PTPDC1: variants seen among roughly 807,000 people sequenced by gnomAD.
PTPDC1 encodes the protein protein tyrosine phosphatase domain containing 1.
PTPDC1 carries 53 observed loss-of-function variants against 75.3 expected under a neutral mutation model. The observed-to-expected ratio is 0.70, with a 90% CI of 0.56 to 0.88. PTPDC1 has a LOEUF of 0.88. Among genes scored for constraint, PTPDC1 ranks in the 40% least tolerant of loss-of-function variants. The pLI, the probability that PTPDC1 is intolerant of heterozygous loss-of-function variation, is 0.00. For synonymous variants in PTPDC1, 349 were observed against 366.2 expected (o/e 0.95, Z 0.54); for missense variants, 925 against 998.6 (o/e 0.93, Z 0.99).
At position 94,033,018 on chromosome 9, in the gene PTPDC1, C is replaced by T. The variant is rs926513067; in HGVS notation, c.-7+1891C>T. 5.3e-5 allele frequency among the ~76,000 whole-genome samples: 8 copies of T among 152,186 alleles called. No individual in the cohort carries two copies. In the Middle Eastern group the frequency reaches 0.014, roughly 259 times the overall value. The stretch of plus-strand genomic sequence containing the variant: ...GTGGGATTACTGCTGTGTGCCACCA[C>T]GCCCAGCTACTTTTTGTATTTTTTA... On this transcript the variant is annotated intron_variant, in intron 1 of 9. Coordinates refer to the PTPDC1 transcript ENST00000375360.
Position 94,093,133 on chromosome 9 carries a change from T to C in PTPDC1, c.617-2184T>C, listed in dbSNP as rs1386760001. Among the ~76,000 whole-genome samples, 6 of 152,168 alleles carry C rather than the reference T, an allele frequency of 3.9e-5. No individual in the cohort carries two copies. In the South Asian group the frequency reaches 1.0e-3, roughly 26 times the overall value. On this transcript the variant is annotated intron_variant, in intron 4 of 8. Transcript: ENST00000620992. ...TGAATTTGATCCTGTCATTATGATG[T>C]TAGCTGGTTATTTTGCTCGTTAGTT...
rs778339920 is a variant in PTPDC1, at chr9:94,097,483, C to T, written c.917C>T (p.Ser306Phe). 2 of 1,614,186 alleles carry T rather than the reference C, an allele frequency of 1.2e-6. No homozygotes were observed. The highest frequency in any genetic ancestry group is 4.5e-5 in the East Asian group (2 of 44,882). Reference protein sequence around the residue: ...QFLTPLRNIFSCCDPKAHAVT... With the variant: ...QFLTPLRNIFFCCDPKAHAVT... Reference sequence around the variant, plus strand: ...CTAACTCCTCTCCGCAATATATTCTCTTGCTGTGATCCCAAAGCACATGCT... The same window carrying T: ...CTAACTCCTCTCCGCAATATATTCTTTTGCTGTGATCCCAAAGCACATGCT... The change falls in exon 6 of 9, where the codon TCT becomes TTT. Residue 306 changes from serine to phenylalanine, a missense_variant. Physicochemically the swap from Ser to Phe is radical, Grantham distance 155. Transcript: ENST00000620992.
chr9:94,083,990 T>C (rs1368267489), upstream of PTPDC1, among the ~76,000 whole-genome samples: 1 of 152,210 alleles, frequency 6.6e-6, no homozygotes, highest in African/African-American at 2.4e-5. Flanking sequence ...TTATGAAAAA[T>C]TGGATGATAT....
intron 7 of PTPDC1, among the ~76,000 whole-genome samples, chr9:94,103,939 T>C (rs141397686): frequency 2.0e-4 from 30 of 152,318 alleles, no homozygotes; most frequent in Non-Finnish European, 2.9e-4. Context: ...CACCATCTAC[T>C]AGACTACTGA....
chr9:94,089,164 G>T (rs1827189062), intron 4 of PTPDC1, among the ~76,000 whole-genome samples: 1 of 144,158 alleles, frequency 6.9e-6, no homozygotes. Context: ...GTGCCATGCT[G>T]GTGCACTGCA....
intron 1 of PTPDC1, among the ~76,000 whole-genome samples, chr9:94,049,697 A>C (rs1460691056): frequency 6.6e-6 from 1 of 151,952 alleles, no homozygotes. Context: ...GTGTCTTGGA[A>C]TTGCTCTTCT....
intron 8 of PTPDC1, among the ~76,000 whole-genome samples, chr9:94,106,598 C>T (rs1828031363): frequency 1.3e-5 from 2 of 152,200 alleles, no homozygotes; most frequent in South Asian, 4.1e-4. Flanking sequence ...ACCCAGGAAT[C>T]TCGTATCTTC....
At chr9:94,049,679 A>C (rs1445643922) in intron 1 of PTPDC1, among the ~76,000 whole-genome samples, 1 of 152,030 alleles carries the variant, frequency 6.6e-6, no homozygotes, top group Non-Finnish European at 1.5e-5. Context: ...GGTGAATCTG[A>C]CAATTATGTG....
rs541559061 is a variant in PTPDC1 at position 94,098,378 on chromosome 9, C to T, written c.1812C>T (p.Asp604=). The change falls in exon 6 of 9, where the codon GAC becomes GAT. Residue 604 remains aspartate, a synonymous_variant. Coordinates refer to ENST00000620992, the MANE Select transcript of PTPDC1 (RefSeq NM_001253829.2). ...GCAGGACACCCCGAAGCCCTCTGGA[C>T]TGTGGCTCCAGTCCCAAAGCACAGT... The part of the protein sequence containing the change: ...QNSRTPRSPL[D]CGSSPKAQFL... 2.5e-6 allele frequency: 4 copies of T among 1,614,222 alleles called. No homozygotes were observed. The South Asian group carries it at 4.4e-5, about 18-fold the overall frequency.
rs764310641 is a variant in PTPDC1, at chr9:94,104,334, C to T, written c.2259C>T (p.Pro753=). 4 of 1,613,860 alleles carry T rather than the reference C, an allele frequency of 2.5e-6. No individual in the cohort carries two copies. Among genetic ancestry groups the T allele is most frequent in the South Asian group, 2.2e-5 (2 of 91,062 alleles). The part of the protein sequence containing the change: ...LHCIVNLQTI[P]VDVEEAFLAH... The stretch of plus-strand genomic sequence containing the variant: ...GCATAGTGAACCTGCAGACAATTCC[C>T]GTGGATGTGGAGGAAGCTTTCCTTG... Residue 753 remains proline, a synonymous_variant, in exon 8 of 9, where the codon CCC becomes CCT. Coordinates refer to ENST00000620992, the MANE Select transcript of PTPDC1 (RefSeq NM_001253829.2).
intron 5 of PTPDC1, among the ~76,000 whole-genome samples, chr9:94,096,543 A>G (rs1827575955): frequency 6.6e-6 from 1 of 152,168 alleles, no homozygotes; most frequent in South Asian, 2.1e-4. Context: ...TTATATTTGA[A>G]TTAATTTATT....
chr9:94,068,846 T>A (rs1452091557), intron 2 of PTPDC1, among the ~76,000 whole-genome samples: 1 of 152,234 alleles, frequency 6.6e-6, no homozygotes, highest in Non-Finnish European at 1.5e-5. Context: ...CCATTATTTG[T>A]TCGATTATTT....
At chr9:94,045,160 A>G (rs182565704) in intron 1 of PTPDC1, among the ~76,000 whole-genome samples, 64 of 151,590 alleles carry the variant, frequency 4.2e-4, no homozygotes, top group Non-Finnish European at 7.5e-4. Context: ...ATATCCCTAC[A>G]AAGGACGTGA....
rs1554690170 is a variant in PTPDC1 at position 94,036,026 on chromosome 9, T to TTA, written c.-7+4900_-7+4901insAT. ...CCCATTTTTAATCGGATTATTTGTT[T>TTA]TTTTTTTTGTTTTTTTTTTGCTACT... On this transcript the variant is annotated intron_variant, in intron 1 of 9. Coordinates refer to the PTPDC1 transcript ENST00000375360. 2.7e-4 allele frequency among the ~76,000 whole-genome samples: 39 copies of TTA among 144,100 alleles called. 1 individual carries two copies. Among genetic ancestry groups the TTA allele is most frequent in the African/African-American group, 9.5e-4 (36 of 37,764 alleles). The allele number at this position is 144,100 out of a possible 152,430, so 94.5% of individuals were successfully genotyped here.
At chr9:94,061,663 G>A (rs939357922) in intron 1 of PTPDC1, among the ~76,000 whole-genome samples, 2 of 152,260 alleles carry the variant, frequency 1.3e-5, no homozygotes, top group African/African-American at 2.4e-5. Context: ...AAGGCTTACG[G>A]CCTGCACCTT....
chr9:94,040,045 A>G (rs1427447758), intron 1 of PTPDC1, among the ~76,000 whole-genome samples: 1 of 152,224 alleles, frequency 6.6e-6, no homozygotes, highest in Non-Finnish European at 1.5e-5. Context: ...ATAAGTAGAA[A>G]AAGGCCAAGG....
intron 1 of PTPDC1, among the ~76,000 whole-genome samples, chr9:94,056,293 C>T (rs538573822): frequency 3.3e-5 from 5 of 152,128 alleles, no homozygotes; most frequent in African/African-American, 1.2e-4. Flanking sequence ...TTTATAGGTT[C>T]ACTCATGTAG....
At chr9:94,098,692 C>T in intron 6 of PTPDC1, 113 bp downstream of exon 6, 3 of 915,390 alleles carry the variant, frequency 3.3e-6, no homozygotes, top group Non-Finnish European at 5.0e-6. Context: ...GATACGTTTG[C>T]ATAATACTTT....
intron 1 of PTPDC1, among the ~76,000 whole-genome samples, chr9:94,039,375 T>C (rs920311109): frequency 2.6e-5 from 4 of 152,170 alleles, no homozygotes; most frequent in African/African-American, 9.7e-5. Context: ...GAATGTGTTT[T>C]AAAATGTAGC....
Sources: gnomAD v4.1 joint callset for allele counts (sites outside exome capture counted in the v4.1 genomes callset) on GRCh38, gnomAD v4.1.1 for gene constraint, MANE v1.5 for transcripts, NCBI Gene and HGNC (gene_info 2026-07-23, HGNC 2026-07-21) for gene names.